The following ABCB5 variants were observed in gnomAD, a reference collection of about 807,000 sequenced individuals.
The protein encoded by ABCB5 is ATP binding cassette subfamily B member 5.
In ABCB5, 155 loss-of-function variants were observed where a neutral mutation model predicts 144.2. That is an observed-to-expected ratio of 1.08 (90% CI 0.94 to 1.23). The LOEUF (loss-of-function observed/expected upper bound fraction) is 1.23. Ranked by LOEUF, ABCB5 falls within the 50% of genes most tolerant of loss-of-function variation. The probability of loss-of-function intolerance (pLI) is 0.00; values close to 1 mark genes in which losing one functional copy is unlikely to be tolerated. For synonymous variants in ABCB5, 610 were observed against 528.6 expected, an observed-to-expected ratio of 1.15 and a Z score of -2.11; for missense variants, 1,830 against 1,520.8, an observed-to-expected ratio of 1.20 and a Z score of -3.38.
chr7:20,745,686 TCC>T (rs1782697640), intron 26 of ABCB5, among the ~76,000 whole-genome samples: 2 of 151,712 alleles, frequency 1.3e-5, no homozygotes, highest in South Asian at 4.2e-4. Flanking sequence ...TTATTTGCCT[TCC>T]ATCCATCTAC....
Position 20,686,085 on chromosome 7 carries a change from T to C in ABCB5, c.2010+249T>C, listed in dbSNP as rs552189683. On this transcript the variant is annotated intron_variant, in intron 16 of 27. Coordinates refer to ENST00000404938, the MANE Select transcript of ABCB5 (RefSeq NM_001163941.2). Reference sequence around the variant, plus strand: ...AAAATCTCGTGAGACTGTTACATGATGTTTTTCCTATGAAGCAAACCATAG... The same window carrying C: ...AAAATCTCGTGAGACTGTTACATGACGTTTTTCCTATGAAGCAAACCATAG... Among the ~76,000 whole-genome samples, 7 of 152,302 alleles carry C rather than the reference T, an allele frequency of 4.6e-5. No individual in the cohort carries two copies. The East Asian group carries it at 1.3e-3, about 29-fold the overall frequency.
chr7:20,724,652 G>GA (rs1781980976), intron 21 of ABCB5, among the ~76,000 whole-genome samples: 1 of 141,958 alleles, frequency 7.0e-6, no homozygotes, highest in African/African-American at 2.6e-5. Context: ...AAAAAAAAGG[G>GA]TGTTCCTCTC....
chr7:20,644,277 C>T (rs1041683086), intron 7 of ABCB5, among the ~76,000 whole-genome samples: 11 of 152,040 alleles, frequency 7.2e-5, no homozygotes, highest in African/African-American at 1.9e-4. Context: ...CAGATTTTCA[C>T]CATGTTGCCC....
intron 26 of ABCB5, among the ~76,000 whole-genome samples, chr7:20,750,318 C>A (rs1340249518): frequency 8.4e-6 from 1 of 119,658 alleles, no homozygotes; most frequent in African/African-American, 3.5e-5. Context: ...AGGAAATGTA[C>A]AATGCACTGA....
At chr7:20,695,356 A>G (rs913857412) in intron 16 of ABCB5, among the ~76,000 whole-genome samples, 1 of 151,904 alleles carries the variant, frequency 6.6e-6, no homozygotes. Context: ...GATCAATTAT[A>G]TATCTATAGA....
At chr7:20,628,028 C>G (rs923998528) in intron 3 of ABCB5, among the ~76,000 whole-genome samples, 4 of 152,138 alleles carry the variant, frequency 2.6e-5, no homozygotes, top group African/African-American at 7.2e-5. Flanking sequence ...TATTACTATA[C>G]TTTAAGTTCT....
chr7:20,751,457 C>A (rs181427343), intron 26 of ABCB5, among the ~76,000 whole-genome samples: 30 of 151,742 alleles, frequency 2.0e-4, no homozygotes, highest in African/African-American at 7.3e-4. Context: ...GGCTACAGAG[C>A]GAGACTCCGT....
intron 11 of ABCB5, among the ~76,000 whole-genome samples, chr7:20,649,355 T>G (rs1784509423): frequency 6.6e-6 from 1 of 152,140 alleles, no homozygotes; most frequent in Admixed American, 6.5e-5. Context: ...TAGGGCTAAC[T>G]ACATACAGAT....
rs554780625 is a variant in ABCB5 at position 20,650,032 on chromosome 7, G to T, written c.1217G>T (p.Gly406Val). 64 of 1,612,084 alleles carry T rather than the reference G, an allele frequency of 4.0e-5. No homozygotes were observed. The highest frequency in any genetic ancestry group is 5.3e-5 in the Non-Finnish European group (63 of 1,178,952). Residue 406 changes from glycine to valine, a missense_variant, in exon 12 of 28, where the codon GGT becomes GTT. Physicochemically the swap from Gly to Val is moderately radical, Grantham distance 109 (BLOSUM62 -3). Coordinates refer to ENST00000404938, the MANE Select transcript of ABCB5 (RefSeq NM_001163941.2). ...CATACATTCCAATAGATTCTGAAAGGTCTGAATCTCAGAATTAAGTCTGGA... is the reference window on the plus strand; with the variant it reads ...CATACATTCCAATAGATTCTGAAAGTTCTGAATCTCAGAATTAAGTCTGGA... Reference protein sequence around the residue: ...PSRPSIKILKGLNLRIKSGET... With the variant: ...PSRPSIKILKVLNLRIKSGET...
chr7:20,661,658 C>T (rs77944359), intron 14 of ABCB5, among the ~76,000 whole-genome samples: 7,638 of 151,482 alleles, frequency 0.05, 543 homozygotes, highest in African/African-American at 0.15. Context: ...CCTCAGGCTC[C>T]TGAGTAGCTG....
Position 20,681,428 on chromosome 7 carries a change from A to G in ABCB5, c.1708-77A>G. The G allele has an allele frequency of 2.0e-6, 3 of 1,511,510 alleles. No homozygotes were observed. The East Asian group carries it at 7.0e-5, about 35-fold the overall frequency. The allele number at this position is 1,511,510 out of a possible 1,614,324, so 93.6% of individuals were successfully genotyped here. A position where few individuals can be genotyped will look rare whatever the true frequency, so the allele number is the denominator to read the frequency against. On this transcript the variant is annotated intron_variant, in intron 14 of 27. Coordinates refer to ENST00000404938, the MANE Select transcript of ABCB5 (RefSeq NM_001163941.2). ...AGGCATGAGCCACCATGCCGGGTCAACAAAGATTTCTTAAACAGTGCAAAG... is the reference window on the plus strand; with the variant it reads ...AGGCATGAGCCACCATGCCGGGTCAGCAAAGATTTCTTAAACAGTGCAAAG...
In ABCB5 at chr7:20,619,469, C is replaced by T. The variant is rs182128272; in HGVS notation, c.-22+3632C>T. 8.8e-4 allele frequency among the ~76,000 whole-genome samples: 134 copies of T among 152,256 alleles called. 1 individual carries two copies. The highest frequency in any genetic ancestry group is 3.2e-3 in the African/African-American group (133 of 41,570). On this transcript the variant is annotated intron_variant, in intron 1 of 27. Coordinates refer to ENST00000404938, the MANE Select transcript of ABCB5 (RefSeq NM_001163941.2). ...ATTAGCATTTTATGTTTGTTGGCCA[C>T]TTGTATGTCTTCTCTTGAGAAGTGT...
Position 20,723,238 on chromosome 7 carries a change from T to C in ABCB5, c.2625+19T>C, listed in dbSNP as rs1781931784. On this transcript the variant is annotated intron_variant, in intron 21 of 27. Coordinates refer to ENST00000404938, the MANE Select transcript of ABCB5 (RefSeq NM_001163941.2). ...TGGAAAGGTAAAATGAAGACTGTTA[T>C]CACCATCGTAACATTTAAAGAGAAA... The C allele has an allele frequency of 6.2e-7, 1 of 1,610,890 alleles. No homozygotes were observed. The highest frequency in any genetic ancestry group is 8.5e-7 in the Non-Finnish European group (1 of 1,177,616).
At position 20,643,500 on chromosome 7, in the gene ABCB5, T is replaced by C. The variant is rs780852333; in HGVS notation, c.546T>C (p.Ile182=). 6.2e-7 allele frequency: 1 copy of C among 1,614,044 alleles called. No homozygotes were observed. The highest frequency in any genetic ancestry group is 1.1e-5 in the South Asian group (1 of 91,080). Residue 182 remains isoleucine (I), a synonymous_variant, in exon 7 of 28, where the codon ATT becomes ATC. Transcript: ENST00000404938. ...DKISDGIGDK[I]ALLFQNMSTF... ...TCAGTGATGGTATTGGAGATAAGATTGCTCTGTTGTTTCAAAACATGTCTA... is the reference window on the plus strand; with the variant it reads ...TCAGTGATGGTATTGGAGATAAGATCGCTCTGTTGTTTCAAAACATGTCTA...
chr7:20,667,246 A>C lies in ABCB5; in HGVS notation c.1707+8570A>C, dbSNP rs937024566. 8 of 978,116 alleles carry C rather than the reference A, an allele frequency of 8.2e-6. No homozygotes were observed. The African/African-American group carries it at 1.4e-4, about 17-fold the overall frequency. 60.6% of individuals were successfully genotyped at this position (978,116 alleles called of 1,614,324 possible). A position where few individuals can be genotyped will look rare whatever the true frequency, so the allele number is the denominator to read the frequency against. On this transcript the variant is annotated intron_variant, in intron 14 of 27. Transcript: ENST00000404938. Reference sequence around the variant, plus strand: ...TAATCAAATATTTATAGTTTAGGCCAGGAGCCTGGCAAAGTAAAGATGACA... The same window carrying C: ...TAATCAAATATTTATAGTTTAGGCCCGGAGCCTGGCAAAGTAAAGATGACA...
At chr7:20,630,418 A>G (rs1784013272) in intron 4 of ABCB5, among the ~76,000 whole-genome samples, 1 of 152,154 alleles carries the variant, frequency 6.6e-6, no homozygotes, top group Admixed American at 6.6e-5. Context: ...TAAAGCAAAA[A>G]AAAATCTTTA....
At chr7:20,630,233 T>C (rs1314717320) in intron 4 of ABCB5, among the ~76,000 whole-genome samples, 2 of 152,176 alleles carry the variant, frequency 1.3e-5, no homozygotes, top group South Asian at 2.1e-4. Flanking sequence ...AAATACTTAT[T>C]ATAACTGGGA....
At chr7:20,625,811 GAATT>G (rs1218991300) in intron 2 of ABCB5, among the ~76,000 whole-genome samples, 1 of 152,094 alleles carries the variant, frequency 6.6e-6, no homozygotes, top group African/African-American at 2.4e-5. Flanking sequence ...ATACTCAAAA[GAATT>G]AAAACCAGTG....
At position 20,647,527 on chromosome 7, in the gene ABCB5, T is replaced by A. The variant is rs1583391083; in HGVS notation, c.982-8T>A. ...GAAAGATAAATATCACTTTGTTTGTTCCTGTAGGTTTTCTTTAGTGTAATC... is the reference window on the plus strand; with the variant it reads ...GAAAGATAAATATCACTTTGTTTGTACCTGTAGGTTTTCTTTAGTGTAATC... On this transcript the variant is annotated splice_polypyrimidine_tract_variant and splice_region_variant and intron_variant, in intron 9 of 27. Coordinates refer to ENST00000404938, the MANE Select transcript of ABCB5 (RefSeq NM_001163941.2). 1 of 1,545,802 alleles carries A rather than the reference T, an allele frequency of 6.5e-7. No individual in the cohort carries two copies. The highest frequency in any genetic ancestry group is 8.7e-7 in the Non-Finnish European group (1 of 1,148,520).
Sources: allele counts gnomAD v4.1 joint callset (sites outside exome capture counted in the v4.1 genomes callset), GRCh38; gene constraint gnomAD v4.1.1; transcripts MANE v1.5; gene names NCBI Gene and HGNC (gene_info 2026-07-23, HGNC 2026-07-21).